The following SLX4IP variants were observed in gnomAD, a reference collection of about 807,000 sequenced individuals.
SLX4IP encodes protein SLX4IP.
A neutral mutation model predicts 32.9 loss-of-function variants in SLX4IP; 34 were observed. The ratio of observed to expected loss-of-function variants is 1.03; its 90% CI spans 0.79 to 1.38. The LOEUF (loss-of-function observed/expected upper bound fraction) is 1.38, where lower values mean the gene tolerates loss of function less well. Ranked by LOEUF, SLX4IP falls within the 40% of genes most tolerant of loss-of-function variation. The probability of loss-of-function intolerance (pLI) is 0.00; values close to 1 mark genes in which losing one functional copy is unlikely to be tolerated. For synonymous variants in SLX4IP, 172 were observed against 171.7 expected (o/e 1.00, Z -0.01); for missense variants, 444 against 479.0 (o/e 0.93, Z 0.68).
chr20:10,529,337 C>T (rs1484031407), intron 2 of SLX4IP, among the ~76,000 whole-genome samples: 3 of 151,958 alleles, frequency 2.0e-5, no homozygotes, highest in South Asian at 2.1e-4. Flanking sequence ...CCCTGTAATC[C>T]TAGCACTTTG....
At chr20:10,458,308 T>G in intron 2 of SLX4IP, 77 bp downstream of exon 2, 5 of 1,400,242 alleles carry the variant, frequency 3.6e-6, no homozygotes, top group Non-Finnish European at 4.8e-6. Flanking sequence ...TAATTGAAAA[T>G]CGAGGTTCCT....
At chr20:10,531,013 A>G (rs1433268630) in intron 2 of SLX4IP, among the ~76,000 whole-genome samples, 1 of 152,204 alleles carries the variant, frequency 6.6e-6, no homozygotes, top group East Asian at 1.9e-4. Context: ...TGTGCTAACT[A>G]GGTTATATCA....
chr20:10,589,020 A>G (rs1157755826), intron 4 of SLX4IP, among the ~76,000 whole-genome samples: 2 of 152,222 alleles, frequency 1.3e-5, no homozygotes, highest in Non-Finnish European at 2.9e-5. Flanking sequence ...ATAGATACAT[A>G]TATCAAATCA....
intron 2 of SLX4IP, among the ~76,000 whole-genome samples, chr20:10,478,450 G>A (rs1189960810): frequency 1.3e-5 from 2 of 152,050 alleles, no homozygotes; most frequent in South Asian, 2.1e-4. Flanking sequence ...TCAAGCCTGG[G>A]GTCTCTGACT....
rs569501531 is a variant in SLX4IP at position 10,442,046 on chromosome 20, A to G, written c.-30+6593A>G. Among the ~76,000 whole-genome samples, 6 of 152,344 alleles carry G rather than the reference A, an allele frequency of 3.9e-5. No homozygotes were observed. The South Asian group carries it at 8.3e-4, about 21-fold the overall frequency. ...TTTGCTGTTTTCTGTTTCTGTTCCCATAACTAATGAAAGTTTTTTAAGATG... is the reference window on the plus strand; with the variant it reads ...TTTGCTGTTTTCTGTTTCTGTTCCCGTAACTAATGAAAGTTTTTTAAGATG... On this transcript the variant is annotated intron_variant, in intron 1 of 7. Transcript: ENST00000334534.
chr20:10,561,802 C>A (rs2066335608), intron 4 of SLX4IP, among the ~76,000 whole-genome samples: 1 of 152,134 alleles, frequency 6.6e-6, no homozygotes, highest in Non-Finnish European at 1.5e-5. Flanking sequence ...GTCTCAAGTC[C>A]CATCCAGGTT....
In SLX4IP at chr20:10,518,549, C is replaced by CCTTCCTTCCTTCCTTT. The variant is rs1491112415; in HGVS notation, c.28-37679_28-37678insCCTTCCTTCCTTTCTT. 1.1e-3 allele frequency among the ~76,000 whole-genome samples: 56 copies of CCTTCCTTCCTTCCTTT among 52,898 alleles called. 10 individuals are homozygous for CCTTCCTTCCTTCCTTT. Among genetic ancestry groups the CCTTCCTTCCTTCCTTT allele is most frequent in the Middle Eastern group, 0.018 (2 of 114 alleles). 34.7% of individuals were successfully genotyped at this position (52,898 alleles called of 152,430 possible). The stretch of plus-strand genomic sequence containing the variant: ...TCCTTCCTTCCTTCCTTCCTTCCTT[C>CCTTCCTTCCTTCCTTT]CTTTCCTTCTTTCTTTCTTTTCTTT... On this transcript the variant is annotated intron_variant, in intron 2 of 7. Transcript: ENST00000334534.
intron 3 of SLX4IP, among the ~76,000 whole-genome samples, chr20:10,559,899 A>G (rs1335564819): frequency 1.3e-5 from 2 of 152,222 alleles, no homozygotes; most frequent in Non-Finnish European, 1.5e-5. Context: ...AGTATCATCA[A>G]CAAGAGCGTA....
chr20:10,609,489 G>A (rs573955607), intron 6 of SLX4IP, among the ~76,000 whole-genome samples: 15 of 152,328 alleles, frequency 9.8e-5, no homozygotes, highest in Admixed American at 9.2e-4. Flanking sequence ...CAGAAGGCCA[G>A]CTCAGAGCAG....
At chr20:10,603,636 C>CT (rs1238939126) in intron 6 of SLX4IP, among the ~76,000 whole-genome samples, 5 of 152,206 alleles carry the variant, frequency 3.3e-5, no homozygotes, top group Non-Finnish European at 5.9e-5. Flanking sequence ...TACTCCACCT[C>CT]TGTCTCTTCA....
intron 1 of SLX4IP, among the ~76,000 whole-genome samples, chr20:10,446,599 A>G (rs1743810284): frequency 6.6e-6 from 1 of 152,110 alleles, no homozygotes; most frequent in Non-Finnish European, 1.5e-5. Context: ...GTGATATATG[A>G]GAGATCTATT....
intron 2 of SLX4IP, among the ~76,000 whole-genome samples, chr20:10,482,288 CT>C (rs919182877): frequency 5.9e-5 from 9 of 152,110 alleles, no homozygotes; most frequent in Non-Finnish European, 8.8e-5. Flanking sequence ...GGACATGTGC[CT>C]TTTTGCATTG....
intron 4 of SLX4IP, among the ~76,000 whole-genome samples, chr20:10,579,137 G>A (rs1290267389): frequency 1.3e-5 from 2 of 151,936 alleles, no homozygotes; most frequent in Admixed American, 6.6e-5. Context: ...AGAAACCATT[G>A]CCCTATCCAA....
chr20:10,523,391 T>C (rs1262474840), intron 2 of SLX4IP, among the ~76,000 whole-genome samples: 2 of 152,224 alleles, frequency 1.3e-5, no homozygotes, highest in Admixed American at 6.5e-5. Flanking sequence ...ATGATAATTA[T>C]TAAATTGCCT....
chr20:10,507,021 G>C (rs1425790673), intron 2 of SLX4IP, among the ~76,000 whole-genome samples: 1 of 152,176 alleles, frequency 6.6e-6, no homozygotes, highest in East Asian at 1.9e-4. Flanking sequence ...TTTTGTGTGT[G>C]GTGGGGCGGT....
At chr20:10,586,208 T>C (rs1361907248) in intron 4 of SLX4IP, among the ~76,000 whole-genome samples, 1 of 152,154 alleles carries the variant, frequency 6.6e-6, no homozygotes, top group African/African-American at 2.4e-5. Flanking sequence ...AGAAAAACTT[T>C]AGACAAAATA....
intron 2 of SLX4IP, among the ~76,000 whole-genome samples, chr20:10,522,216 TG>T: frequency 6.6e-6 from 1 of 152,248 alleles, no homozygotes; most frequent in Admixed American, 6.5e-5. Flanking sequence ...CACGTTGTGT[TG>T]CAGTTAATGC....
intron 2 of SLX4IP, among the ~76,000 whole-genome samples, chr20:10,475,318 A>G (rs1174390788): frequency 1.3e-5 from 2 of 152,228 alleles, no homozygotes; most frequent in Non-Finnish European, 2.9e-5. Context: ...GAAGTTGCCC[A>G]AGGGAACTTA....
chr20:10,488,212 G>C, intron 2 of SLX4IP, among the ~76,000 whole-genome samples: 1 of 152,154 alleles, frequency 6.6e-6, no homozygotes, highest in East Asian at 1.9e-4. Context: ...TCTGTAAAGA[G>C]GTAAATGAGG....
Sources: gnomAD v4.1 joint callset for allele counts (sites outside exome capture counted in the v4.1 genomes callset) on GRCh38, gnomAD v4.1.1 for gene constraint, MANE v1.5 for transcripts, NCBI Gene and HGNC (gene_info 2026-07-23, HGNC 2026-07-21) for gene names.